Variants in TLK2 observed in about 807,000 individuals in gnomAD.
The protein encoded by TLK2 is serine/threonine-protein kinase tousled-like 2.
A neutral mutation model predicts 117.3 loss-of-function variants in TLK2; 6 were observed. The ratio of observed to expected loss-of-function variants is 0.05; its 90% CI spans 0.03 to 0.10. The LOEUF (loss-of-function observed/expected upper bound fraction) is 0.10. TLK2 is among the 10% of genes least tolerant of loss of function. The probability of loss-of-function intolerance (pLI) is 1.00; values close to 1 mark genes in which losing one functional copy is unlikely to be tolerated. For missense variants in TLK2, 299 were observed against 901.2 expected (o/e 0.33, Z 8.56); for synonymous variants, 257 against 316.7 (o/e 0.81, Z 2.00).
At chr17:62,593,506 A>G (rs969932834) in intron 16 of TLK2, among the ~76,000 whole-genome samples, 1 of 152,074 alleles carries the variant, frequency 6.6e-6, no homozygotes, top group East Asian at 1.9e-4. Flanking sequence ...TCCTTATTCT[A>G]TAAGCTTTTT....
chr17:62,534,703 T>A (rs1237807228), intron 6 of TLK2, among the ~76,000 whole-genome samples: 1 of 152,004 alleles, frequency 6.6e-6, no homozygotes, highest in African/African-American at 2.4e-5. Flanking sequence ...TTTACTTCAT[T>A]TTTTTCTTTT....
chr17:62,503,265 A>G (rs2074372585), intron 2 of TLK2, among the ~76,000 whole-genome samples: 1 of 151,810 alleles, frequency 6.6e-6, no homozygotes, highest in Non-Finnish European at 1.5e-5. Flanking sequence ...TCACTGTGTT[A>G]GCCAGGATAG....
intron 6 of TLK2, among the ~76,000 whole-genome samples, chr17:62,534,522 A>AT (rs2076977039): frequency 6.6e-6 from 1 of 152,076 alleles, no homozygotes; most frequent in Non-Finnish European, 1.5e-5. Flanking sequence ...ACATGCTCTG[A>AT]TTAAAATCAG....
chr17:62,549,421 A>AGT (rs1167173089), intron 7 of TLK2, among the ~76,000 whole-genome samples: 2 of 114,560 alleles, frequency 1.7e-5, no homozygotes, highest in Non-Finnish European at 3.9e-5. Context: ...AAAAAAAAAA[A>AGT]AAAAAAAAAA....
intron 2 of TLK2, among the ~76,000 whole-genome samples, chr17:62,499,329 G>T (rs536803908): frequency 2.7e-5 from 4 of 150,736 alleles, no homozygotes; most frequent in Non-Finnish European, 5.9e-5. Context: ...GTAAGACTCC[G>T]TCTCACAAAC....
At chr17:62,486,417 C>G (rs1435867495) in intron 2 of TLK2, among the ~76,000 whole-genome samples, 1 of 152,162 alleles carries the variant, frequency 6.6e-6, no homozygotes, top group Non-Finnish European at 1.5e-5. Context: ...GCCTCGGCCT[C>G]CCAAATTGCT....
At position 62,536,195 on chromosome 17, in the gene TLK2, G is replaced by A; in HGVS notation, c.389G>A (p.Gly130Asp). 1 of 1,612,146 alleles carries A rather than the reference G, an allele frequency of 6.2e-7. No individual in the cohort carries two copies. Reference sequence around the variant, plus strand: ...CGACGAGTAGAACAGCCCCTCTATGGTTTAGATGGCAGTGCTGCAAAGGAG... The same window carrying A: ...CGACGAGTAGAACAGCCCCTCTATGATTTAGATGGCAGTGCTGCAAAGGAG... ...LPRRVEQPLY[G>D]LDGSAAKEAT... Residue 130 changes from glycine (G) to aspartate (D), a missense_variant, in exon 7 of 22, where the codon GGT becomes GAT. Gly to Asp is a moderately conservative substitution (Grantham distance 94). Transcript: ENST00000346027.
intron 6 of TLK2, 73 bp from the exon 7 acceptor site, chr17:62,536,096 TA>T (rs367844135): frequency 7.2e-6 from 11 of 1,518,524 alleles, no homozygotes; most frequent in Middle Eastern, 2.4e-4. Flanking sequence ...TAACTGTTTT[TA>T]ACCCGTTGCA....
intron 6 of TLK2, 117 bp from the exon 7 acceptor site, chr17:62,536,053 C>G: frequency 2.5e-6 from 3 of 1,184,684 alleles, no homozygotes; most frequent in Non-Finnish European, 3.5e-6. Flanking sequence ...TTTAGAGAGG[C>G]CTTTTTAAAT....
intron 1 of TLK2, among the ~76,000 whole-genome samples, chr17:62,471,344 A>C (rs902710352): frequency 2.0e-5 from 3 of 152,210 alleles, no homozygotes; most frequent in African/African-American, 7.2e-5. Context: ...CGAATGATTG[A>C]CAGTCTGAAA....
chr17:62,534,917 C>T (rs1213915587), intron 6 of TLK2, among the ~76,000 whole-genome samples: 1 of 113,060 alleles, frequency 8.8e-6, no homozygotes, highest in Non-Finnish European at 1.6e-5. Flanking sequence ...GAGATAGAGT[C>T]GCTCTCTGTT....
At chr17:62,478,679 C>T (rs1395219346), upstream of TLK2, among the ~76,000 whole-genome samples, 1 of 75,606 alleles carries the variant, frequency 1.3e-5, no homozygotes, top group African/African-American at 4.7e-5. Context: ...GCCGGGGCAG[C>T]GGGGACCCCC....
intron 2 of TLK2, among the ~76,000 whole-genome samples, chr17:62,506,252 G>A (rs1475013580): frequency 6.6e-5 from 10 of 152,214 alleles, no homozygotes; most frequent in Admixed American, 6.6e-4. Context: ...AGACAGATAG[G>A]TAGAACCTGG....
intron 16 of TLK2, among the ~76,000 whole-genome samples, chr17:62,596,113 C>G (rs1308414176): frequency 2.6e-5 from 4 of 152,146 alleles, no homozygotes; most frequent in African/African-American, 9.7e-5. Flanking sequence ...GAGTCTCGCT[C>G]TGTCACCAGG....
chr17:62,486,639 T>C (rs1231243105), intron 2 of TLK2, among the ~76,000 whole-genome samples: 2 of 152,228 alleles, frequency 1.3e-5, no homozygotes, highest in Non-Finnish European at 2.9e-5. Flanking sequence ...CTGGAGACCA[T>C]GTAAAGTAGG....
intron 2 of TLK2, among the ~76,000 whole-genome samples, chr17:62,497,738 G>A (rs372188781): frequency 2.0e-5 from 3 of 151,994 alleles, no homozygotes; most frequent in Non-Finnish European, 4.4e-5. Context: ...CTTGTTGCCC[G>A]GGCTGGAGTG....
intron 2 of TLK2, among the ~76,000 whole-genome samples, chr17:62,482,453 GTT>G (rs539773483): frequency 1.4e-5 from 2 of 139,590 alleles, no homozygotes; most frequent in African/African-American, 2.6e-5. Flanking sequence ...ATAGGGTTTT[GTT>G]TTTTTTTTTT....
At chr17:62,579,081 A>G (rs1183802322) in intron 14 of TLK2, among the ~76,000 whole-genome samples, 1 of 152,208 alleles carries the variant, frequency 6.6e-6, no homozygotes, top group Non-Finnish European at 1.5e-5. Context: ...GAAAGTAGAA[A>G]GGGGTTTTTA....
intron 10 of TLK2, 88 bp from the exon 11 acceptor site, chr17:62,564,913 T>A: frequency 2.7e-6 from 4 of 1,473,004 alleles, no homozygotes; most frequent in Non-Finnish European, 3.6e-6. Context: ...ATATGTTTCC[T>A]GATAATGTTA....
Sources: allele counts gnomAD v4.1 joint callset (sites outside exome capture counted in the v4.1 genomes callset), GRCh38; gene constraint gnomAD v4.1.1; transcripts MANE v1.5; gene names NCBI Gene and HGNC (gene_info 2026-07-23, HGNC 2026-07-21).